SPECC1: variants seen among roughly 807,000 people sequenced by gnomAD.
SPECC1 encodes cytospin-B.
In SPECC1, 62 loss-of-function variants were observed where a neutral mutation model predicts 104.1. That is an observed-to-expected ratio of 0.60 (90% CI 0.49 to 0.74). The LOEUF is 0.74. Among genes scored for constraint, SPECC1 ranks in the 30% least tolerant of loss-of-function variants. The pLI is 0.00. For synonymous variants in SPECC1, 513 were observed against 501.6 expected (o/e 1.02, Z -0.30); for missense variants, 1,306 against 1,310.5 (o/e 1.00, Z 0.05).
At chr17:20,066,751 GT>G (rs1555600516) in intron 1 of SPECC1, among the ~76,000 whole-genome samples, 4 of 151,002 alleles carry the variant, frequency 2.6e-5, no homozygotes, top group East Asian at 1.9e-4. Context: ...TGCTTAAGTA[GT>G]TTTTTTTTTC....
rs982251477 is a variant in SPECC1 at position 20,297,212 on chromosome 17, G to T, written c.3057+135G>T. 1.3e-5 allele frequency: 9 copies of T among 671,236 alleles called. No homozygotes were observed. The Admixed American group carries it at 2.6e-4, about 19-fold the overall frequency. The allele number at this position is 671,236 out of a possible 1,614,324, so 41.6% of individuals were successfully genotyped here. A position where few individuals can be genotyped will look rare whatever the true frequency, so the allele number is the denominator to read the frequency against. On this transcript the variant is annotated intron_variant, in intron 13 of 14. Transcript: ENST00000395527. ...TTGATACCAGGTACAGATAACTCCTGAATGTTTGACTGCACCGTGGAATCC... is the reference window on the plus strand; with the variant it reads ...TTGATACCAGGTACAGATAACTCCTTAATGTTTGACTGCACCGTGGAATCC...
At chr17:20,243,166 G>A (rs1360904503) in intron 7 of SPECC1, among the ~76,000 whole-genome samples, 1 of 152,188 alleles carries the variant, frequency 6.6e-6, no homozygotes, top group African/African-American at 2.4e-5. Flanking sequence ...GACTACATGT[G>A]TGATTATTAC....
chr17:20,260,006 A>G (rs542737559), intron 11 of SPECC1, among the ~76,000 whole-genome samples, 186 bp from the exon 12 acceptor site: 1 of 152,248 alleles, frequency 6.6e-6, no homozygotes, highest in African/African-American at 2.4e-5. Flanking sequence ...AGGAAGCACA[A>G]TTTAATTTTT....
chr17:20,064,329 G>A (rs1016927035), intron 1 of SPECC1, among the ~76,000 whole-genome samples: 7 of 152,210 alleles, frequency 4.6e-5, no homozygotes, highest in African/African-American at 1.7e-4. Flanking sequence ...GGGGATTGAC[G>A]ATGAGTCATT....
At chr17:20,023,118 G>A (rs931501884) in intron 1 of SPECC1, among the ~76,000 whole-genome samples, 6 of 152,288 alleles carry the variant, frequency 3.9e-5, no homozygotes, top group Admixed American at 3.9e-4. Context: ...AAGAGCTATA[G>A]AGTAAATATT....
At chr17:20,199,066 G>A (rs2151317307) in intron 3 of SPECC1, among the ~76,000 whole-genome samples, 1 of 147,212 alleles carries the variant, frequency 6.8e-6, no homozygotes, top group Middle Eastern at 3.5e-3. Flanking sequence ...TGGAATTGCA[G>A]GATCTTATGG....
chr17:20,166,527 T>G (rs1381851061), intron 3 of SPECC1, among the ~76,000 whole-genome samples: 2 of 152,128 alleles, frequency 1.3e-5, no homozygotes, highest in Non-Finnish European at 2.9e-5. Context: ...GAAAAATAAT[T>G]ATGAAATACT....
At chr17:20,092,543 T>G (rs1215769854) in intron 1 of SPECC1, among the ~76,000 whole-genome samples, 1 of 152,208 alleles carries the variant, frequency 6.6e-6, no homozygotes, top group Non-Finnish European at 1.5e-5. Flanking sequence ...GAAAATAGTC[T>G]TCTCTGTGTA....
At position 20,247,222 on chromosome 17, in the gene SPECC1, G is replaced by C. The variant is rs1199484443; in HGVS notation, c.2501G>C (p.Gly834Ala). ...IKSFDLGRPG[G>A]AGQNISVHKT... ...TTCCCATGTTTTTTCTTGGCAGGTG[G>C]AGCTGGACAGAATATTTCTGTCCAT... Residue 834 changes from glycine to alanine, a missense_variant, in exon 9 of 15, where the codon GGA becomes GCA. Physicochemically the swap from Gly to Ala is moderately conservative, Grantham distance 60. Transcript: ENST00000395527. 1.2e-6 allele frequency: 2 copies of C among 1,611,446 alleles called. No homozygotes were observed. Among genetic ancestry groups the C allele is most frequent in the Middle Eastern group, 1.7e-4 (1 of 6,056 alleles).
intron 1 of SPECC1, among the ~76,000 whole-genome samples, chr17:20,083,180 C>T (rs1423736863): frequency 1.3e-5 from 2 of 152,174 alleles, no homozygotes; most frequent in African/African-American, 4.8e-5. Context: ...AGGCATTGAT[C>T]CAGATGCTAG....
intron 2 of SPECC1, among the ~76,000 whole-genome samples, chr17:20,097,445 A>G (rs2047706616): frequency 6.6e-6 from 1 of 152,242 alleles, no homozygotes; most frequent in African/African-American, 2.4e-5. Flanking sequence ...CTATATTAGC[A>G]TGGATTTCCA....
intron 3 of SPECC1, among the ~76,000 whole-genome samples, chr17:20,169,156 A>G (rs1031477068): frequency 3.3e-5 from 5 of 152,360 alleles, no homozygotes; most frequent in African/African-American, 1.2e-4. Flanking sequence ...TATAGGCGTG[A>G]GCCACTCTGG....
intron 3 of SPECC1, among the ~76,000 whole-genome samples, chr17:20,122,556 T>C (rs1289951866): frequency 1.3e-5 from 2 of 152,246 alleles, no homozygotes; most frequent in Admixed American, 1.3e-4. Flanking sequence ...CACATTGTTG[T>C]ACAACCATCA....
rs74819129 is a variant in SPECC1, at chr17:20,159,880, T to C, written c.284-44453T>C. 9.1e-3 allele frequency among the ~76,000 whole-genome samples: 1,390 copies of C among 152,282 alleles called. 16 individuals are homozygous for C. The highest frequency in any genetic ancestry group is 0.032 in the African/African-American group (1,327 of 41,558). On this transcript the variant is annotated intron_variant, in intron 3 of 14. Coordinates refer to ENST00000395527, the MANE Select transcript of SPECC1 (RefSeq NM_001243439.2). ...GGGCATGGTTGTGCAATTTGTGTAC[T>C]GTTCAAAGGCATCTGCTTAGAGAGT... is the stretch of plus-strand genomic sequence containing the variant.
Position 20,123,534 on chromosome 17 carries a change from A to T in SPECC1, c.283+12972A>T, listed in dbSNP as rs944801673. Among the ~76,000 whole-genome samples, 119 of 152,246 alleles carry T rather than the reference A, an allele frequency of 7.8e-4. 2 individuals carry two copies. Among genetic ancestry groups the T allele is most frequent in the Non-Finnish European group, 7.4e-5 (5 of 68,006 alleles). ...CCTGTCCTCTCTGACATGAGGAGGG[A>T]ATAACTCTGTCCTCTCTGACATGAG... On this transcript the variant is annotated intron_variant, in intron 3 of 14. Coordinates refer to ENST00000395527, the MANE Select transcript of SPECC1 (RefSeq NM_001243439.2).
chr17:20,032,415 G>T (rs61040459), intron 1 of SPECC1, among the ~76,000 whole-genome samples: 9,873 of 151,124 alleles, frequency 0.065, 352 homozygotes, highest in Non-Finnish European at 0.08. Context: ...TGTGATTAAT[G>T]GTGTGCCACA....
Position 20,064,262 on chromosome 17 carries a change from C to G in SPECC1, c.-21-32369C>G, listed in dbSNP as rs144001396. ...AGAGAAGGGCATTGCACATCCAGAA[C>G]CCTGATGGCAGGAGAGTCAGAGAAC... On this transcript the variant is annotated intron_variant, in intron 1 of 14. Transcript: ENST00000395527. Among the ~76,000 whole-genome samples the G allele has an allele frequency of 4.0e-3, 610 of 152,284 alleles. 3 individuals are homozygous for G. Among genetic ancestry groups the G allele is most frequent in the African/African-American group, 0.014 (586 of 41,550 alleles).
chr17:20,034,605 CTTT>C (rs375147469), intron 1 of SPECC1, among the ~76,000 whole-genome samples: 55,097 of 132,176 alleles, frequency 0.42, 11,374 homozygotes, highest in Middle Eastern at 0.49. Context: ...TCTATTTTTC[CTTT>C]TTTTTTTTTT....
chr17:20,036,167 C>T (rs2045070751), intron 1 of SPECC1, among the ~76,000 whole-genome samples: 1 of 151,744 alleles, frequency 6.6e-6, no homozygotes, highest in Non-Finnish European at 1.5e-5. Context: ...TGGAGTCTCA[C>T]TCTGTCACCA....
Sources: allele counts gnomAD v4.1 joint callset (sites outside exome capture counted in the v4.1 genomes callset), GRCh38; gene constraint gnomAD v4.1.1; transcripts MANE v1.5; gene names NCBI Gene and HGNC (gene_info 2026-07-23, HGNC 2026-07-21).